C7: variants seen among roughly 807,000 people sequenced by gnomAD.
C7 encodes complement C7.
A neutral mutation model predicts 104.8 loss-of-function variants in C7; 83 were observed. The observed-to-expected ratio is 0.79, with a 90% CI of 0.66 to 0.95. C7 has a LOEUF of 0.95. Among genes scored for constraint, C7 ranks in the 40% least tolerant of loss-of-function variants. The pLI is 0.00. For missense variants in C7, 1,070 were observed against 1,011.2 expected (o/e 1.06, Z -0.79); for synonymous variants, 415 against 360.6 (o/e 1.15, Z -1.71).
chr5:40,948,874 C>CT (rs1298340306), intron 8 of C7, among the ~76,000 whole-genome samples: 17 of 152,046 alleles, frequency 1.1e-4, no homozygotes, highest in African/African-American at 3.9e-4. Context: ...AGTCTTTTAG[C>CT]TTTTTAAATG....
In C7 at chr5:40,947,714, C is replaced by T; in HGVS notation, c.851C>T (p.Pro284Leu). 1 of 1,613,742 alleles carries T rather than the reference C, an allele frequency of 6.2e-7. No individual in the cohort carries two copies. Among genetic ancestry groups the T allele is most frequent in the South Asian group, 1.1e-5 (1 of 91,072 alleles). Residue 284 changes from proline to leucine, a missense_variant, in exon 8 of 18, where the codon CCC (proline) becomes CTC (leucine). Pro to Leu is a moderately conservative substitution (Grantham distance 98, BLOSUM62 -3). Coordinates refer to ENST00000313164, the MANE Select transcript of C7 (RefSeq NM_000587.4). The part of the protein sequence containing the change: ...EPFWKELSHL[P>L]SLYDYSAYRR... ...TTCTGGAAGGAGCTTTCCCACCTCC[C>T]CTCTCTGTATGACTACAGTGCCTAC...
At position 40,959,522 on chromosome 5, in the gene C7, T is replaced by A; in HGVS notation, c.1563T>A (p.Arg521=). The change falls in exon 12 of 18, where the codon CGT becomes CGA. Residue 521 remains arginine, a synonymous_variant. Coordinates refer to ENST00000313164, the MANE Select transcript of C7 (RefSeq NM_000587.4). ...PCVQGKKTRS[R]ECNNPPPSGG... is the part of the protein sequence containing the mutation. Reference sequence around the variant, plus strand: ...TCCAAGGGAAGAAAACAAGAAGCCGTGAATGCAATAACCCACCTCCCAGTG... The same window carrying A: ...TCCAAGGGAAGAAAACAAGAAGCCGAGAATGCAATAACCCACCTCCCAGTG... 2.5e-6 allele frequency: 4 copies of A among 1,611,692 alleles called. No individual in the cohort carries two copies. Among genetic ancestry groups the A allele is most frequent in the Non-Finnish European group, 3.4e-6 (4 of 1,179,376 alleles).
At chr5:40,945,431 T>C in intron 7 of C7, 63 bp downstream of exon 7, 1 of 1,073,292 alleles carries the variant, frequency 9.3e-7, no homozygotes, top group Non-Finnish European at 1.3e-6. Flanking sequence ...CTTACATTAA[T>C]AAACTTGTAT....
rs1401249648 is a variant in C7 at position 40,983,942 on chromosome 5, A to T, written c.*2369A>T. 6.6e-6 allele frequency among the ~76,000 whole-genome samples: 1 copy of T among 152,128 alleles called. No homozygotes were observed. Among genetic ancestry groups the T allele is most frequent in the Non-Finnish European group, 1.5e-5 (1 of 68,018 alleles). ...CTGAGATTAGAGTCATTTGGCCCTCAGAAGGAACAGACAAAGAGAAGGAAA... is the reference window on the plus strand; with the variant it reads ...CTGAGATTAGAGTCATTTGGCCCTCTGAAGGAACAGACAAAGAGAAGGAAA... On this transcript the variant is annotated 3_prime_UTR_variant, in exon 18 of 18. Transcript: ENST00000313164.
chr5:40,972,354 T>C, intron 14 of C7, 49 bp from the exon 15 acceptor site: 9 of 1,489,112 alleles, frequency 6.0e-6, no homozygotes, highest in African/African-American at 1.4e-5. Context: ...TTTAAAAAGA[T>C]GGTTTAGGAG....
intron 6 of C7, among the ~76,000 whole-genome samples, chr5:40,941,186 A>C (rs1739928681): frequency 1.3e-5 from 2 of 151,104 alleles, no homozygotes; most frequent in African/African-American, 4.9e-5. Context: ...GCCTCGGCCT[A>C]CCGAGTAGCT....
intron 8 of C7, among the ~76,000 whole-genome samples, chr5:40,949,571 T>A (rs1003770135): frequency 6.6e-6 from 1 of 152,214 alleles, no homozygotes; most frequent in African/African-American, 2.4e-5. Context: ...GAAGCTGTCA[T>A]GCTCCTACTT....
chr5:40,982,552 C>A lies in C7; in HGVS notation c.*979C>A, dbSNP rs1740973763. ...CTGAGAACAAATACAATTCAGTCTT[C>A]TCTTTGGGGTTTTAGTATGTGTCAA... On this transcript the variant is annotated 3_prime_UTR_variant, in exon 18 of 18. Coordinates refer to ENST00000313164, the MANE Select transcript of C7 (RefSeq NM_000587.4). 2 of 152,338 alleles carry A rather than the reference C, an allele frequency of 1.3e-5. No individual in the cohort carries two copies. Among genetic ancestry groups the A allele is most frequent in the Admixed American group, 1.3e-4 (2 of 15,278 alleles). 9.4% of individuals were successfully genotyped at this position (152,338 alleles called of 1,614,324 possible). A position where few individuals can be genotyped will look rare whatever the true frequency, so the allele number is the denominator to read the frequency against.
At chr5:40,915,551 C>T (rs761595500) in intron 1 of C7, among the ~76,000 whole-genome samples, 4 of 151,928 alleles carry the variant, frequency 2.6e-5, no homozygotes, top group African/African-American at 7.3e-5. Context: ...TGACACAGCA[C>T]GGAGGAAAGC....
chr5:40,970,810 C>A (rs921139464), intron 14 of C7, among the ~76,000 whole-genome samples: 3 of 152,106 alleles, frequency 2.0e-5, no homozygotes, highest in African/African-American at 7.2e-5. Flanking sequence ...TCCCTGTGCC[C>A]ATGTGTTCTC....
intron 2 of C7, among the ~76,000 whole-genome samples, chr5:40,930,204 C>CTTTT (rs34608357): frequency 8.1e-6 from 1 of 123,082 alleles, no homozygotes; most frequent in Non-Finnish European, 1.6e-5. Context: ...TGACCTACCT[C>CTTTT]TTTTTTTTTT....
At chr5:40,969,030 G>T (rs1052719793) in intron 14 of C7, among the ~76,000 whole-genome samples, 3 of 152,034 alleles carry the variant, frequency 2.0e-5, no homozygotes, top group Non-Finnish European at 2.9e-5. Context: ...AAAGTACAGA[G>T]AGCGCCCATC....
intron 1 of C7, 61 bp downstream of exon 1, chr5:40,909,677 A>G: frequency 7.8e-7 from 1 of 1,274,292 alleles, no homozygotes; most frequent in Non-Finnish European, 1.1e-6. Flanking sequence ...AACGGGGGTA[A>G]TATAAATGTA....
chr5:40,954,902 A>AG, intron 9 of C7: 1 of 290,494 alleles, frequency 3.4e-6, no homozygotes, highest in Non-Finnish European at 6.6e-6. Context: ...AAAAAAAAAA[A>AG]AAAGAAAACC....
At chr5:40,954,877 CAAAAAAAAAAA>C (rs35360366) in intron 9 of C7, 92 of 54,670 alleles carry the variant, frequency 1.7e-3, no homozygotes, top group African/African-American at 9.3e-3. Flanking sequence ...AATACTGTCT[CAAAAAAAAAAA>C]AAAAAAAAAA....
chr5:40,983,555 A>AT lies in C7; in HGVS notation c.*1989dup, dbSNP rs1055973192. Among the ~76,000 whole-genome samples, 1 of 151,892 alleles carries AT rather than the reference A, an allele frequency of 6.6e-6. No homozygotes were observed. The highest frequency in any genetic ancestry group is 2.4e-5 in the African/African-American group (1 of 41,376). On this transcript the variant is annotated 3_prime_UTR_variant, in exon 18 of 18. Coordinates refer to ENST00000313164, the MANE Select transcript of C7 (RefSeq NM_000587.4). ...AAGAGGTGTTGTCTTGAAATACTGT[A>AT]TTTTTTTCCTCCTTTTCTTTTCTGA...
chr5:40,910,264 C>T (rs1381764575), intron 1 of C7, among the ~76,000 whole-genome samples: 3 of 152,136 alleles, frequency 2.0e-5, no homozygotes, highest in East Asian at 1.9e-4. Context: ...ATAGAAATCG[C>T]TATCATAGAC....
chr5:40,949,242 A>G (rs1740113653), intron 8 of C7, among the ~76,000 whole-genome samples: 3 of 152,026 alleles, frequency 2.0e-5, no homozygotes. Context: ...GATATAGTGT[A>G]TGCCCCAAAT....
intron 3 of C7, among the ~76,000 whole-genome samples, chr5:40,934,099 T>G (rs761218874): frequency 6.5e-4 from 99 of 152,052 alleles, no homozygotes; most frequent in Non-Finnish European, 1.1e-3. Flanking sequence ...GCCTGGGAGC[T>G]CTCTATAAAT....
Sources: allele counts gnomAD v4.1 joint callset (sites outside exome capture counted in the v4.1 genomes callset), GRCh38; gene constraint gnomAD v4.1.1; transcripts MANE v1.5; gene names NCBI Gene and HGNC (gene_info 2026-07-23, HGNC 2026-07-21).